Variants in AGMO observed in about 807,000 individuals in gnomAD.
AGMO encodes the protein alkylglycerol monooxygenase, also known as glyceryl-ether monooxygenase.
A neutral mutation model predicts 60.2 loss-of-function variants in AGMO; 75 were observed. That is an observed-to-expected ratio of 1.25 (90% CI 1.03 to 1.51). The LOEUF (loss-of-function observed/expected upper bound fraction) is 1.51, where lower values mean the gene tolerates loss of function less well. AGMO is among the 40% of genes most tolerant of loss of function. The probability of loss-of-function intolerance (pLI) is 0.00; values close to 1 mark genes in which losing one functional copy is unlikely to be tolerated. For missense variants in AGMO, 763 were observed against 525.5 expected, an observed-to-expected ratio of 1.45 and a Z score of -4.42; for synonymous variants, 261 against 177.1, an observed-to-expected ratio of 1.47 and a Z score of -3.76.
In AGMO at chr7:15,397,572, A is replaced by T. The variant is rs549431020; in HGVS notation, c.610-3393T>A. Among the ~76,000 whole-genome samples the T allele has an allele frequency of 4.6e-5, 7 of 152,256 alleles. No individual in the cohort carries two copies. In the East Asian group the frequency reaches 9.7e-4, roughly 21 times the overall value. Reference sequence around the variant, plus strand: ...GTTGTTACCTCTCACTACCTACCTTACTTTCCTCCTTCCTTCTTTCTTCAT... The same window carrying T: ...GTTGTTACCTCTCACTACCTACCTTTCTTTCCTCCTTCCTTCTTTCTTCAT... On this transcript the variant is annotated intron_variant, in intron 5 of 12. Coordinates refer to ENST00000342526, the MANE Select transcript of AGMO (RefSeq NM_001004320.2).
chr7:15,453,017 G>A (rs1447597685), intron 3 of AGMO, among the ~76,000 whole-genome samples: 1 of 152,074 alleles, frequency 6.6e-6, no homozygotes, highest in Non-Finnish European at 1.5e-5. Flanking sequence ...ATTCAAAATA[G>A]GCAACTCCAC....
At position 15,201,280 on chromosome 7, in the gene AGMO, T is replaced by A. The variant is rs781143020; in HGVS notation, c.*5A>T. 8 of 1,601,606 alleles carry A rather than the reference T, an allele frequency of 5.0e-6. No individual in the cohort carries two copies. The highest frequency in any genetic ancestry group is 4.5e-5 in the East Asian group (2 of 44,642). On this transcript the variant is annotated 3_prime_UTR_variant, in exon 13 of 13. Transcript: ENST00000342526. ...TAAAAGAAGAGAATTATGTACAAAT[T>A]CAGGTTATTTCCAAGGGTGAGAGGT...
chr7:15,270,783 T>A (rs1783583225), intron 12 of AGMO, among the ~76,000 whole-genome samples: 1 of 150,608 alleles, frequency 6.6e-6, no homozygotes, highest in Non-Finnish European at 1.5e-5. Flanking sequence ...AGGATTTTTA[T>A]AATTTCAAAT....
intron 3 of AGMO, among the ~76,000 whole-genome samples, chr7:15,498,546 A>G (rs1783295878): frequency 1.3e-5 from 2 of 152,112 alleles, no homozygotes; most frequent in South Asian, 4.1e-4. Flanking sequence ...GTTACAAATC[A>G]TGTTTGTATA....
the AGMO span, among the ~76,000 whole-genome samples, chr7:15,127,913 G>A: frequency 3.8e-4 from 57 of 151,896 alleles, no homozygotes; most frequent in Admixed American, 1.8e-3. Context: ...AGGAATTTAC[G>A]GTGTTTTCTT....
intron 3 of AGMO, among the ~76,000 whole-genome samples, chr7:15,461,049 C>T (rs73290404): frequency 1.3e-5 from 2 of 151,884 alleles, no homozygotes; most frequent in Non-Finnish European, 2.9e-5. Context: ...GATGTATTTC[C>T]TGCTCTAATA....
rs559393691 is a variant in AGMO at position 15,494,006 on chromosome 7, G to C, written c.409+50766C>G. ...TTTCCTTTGGGTTACAAACAATCCA[G>C]TTATACTCTATTAGTTCTTTTTAAA... On this transcript the variant is annotated intron_variant, in intron 3 of 12. Transcript: ENST00000342526. 6.4e-4 allele frequency among the ~76,000 whole-genome samples: 97 copies of C among 152,248 alleles called. 3 individuals carry two copies. The highest frequency in any genetic ancestry group is 6.3e-3 in the Admixed American group (96 of 15,294).
At chr7:15,391,229 T>A (rs1013412140) in intron 6 of AGMO, among the ~76,000 whole-genome samples, 1 of 152,056 alleles carries the variant, frequency 6.6e-6, no homozygotes, top group Admixed American at 6.5e-5. Flanking sequence ...AATTAAATGA[T>A]ACCAAAAATT....
At chr7:15,236,877 T>C (rs373968459) in intron 12 of AGMO, among the ~76,000 whole-genome samples, 6 of 152,002 alleles carry the variant, frequency 3.9e-5, no homozygotes, top group African/African-American at 1.4e-4. Context: ...ACCTCTGACC[T>C]AAAACCTGAT....
At chr7:15,248,225 T>TATATATATATATATATATATATA (rs1782823894) in intron 12 of AGMO, among the ~76,000 whole-genome samples, 1 of 115,072 alleles carries the variant, frequency 8.7e-6, no homozygotes, top group Non-Finnish European at 1.8e-5. Context: ...TATATATATA[T>TATATATATATATATATATATATA]CTTCATCTTC....
chr7:15,477,353 A>G (rs1782623538), intron 3 of AGMO, among the ~76,000 whole-genome samples: 1 of 152,116 alleles, frequency 6.6e-6, no homozygotes, highest in East Asian at 1.9e-4. Flanking sequence ...ACAGTAACAA[A>G]TGCTTTCATC....
intron 5 of AGMO, among the ~76,000 whole-genome samples, chr7:15,411,274 T>A (rs980951551): frequency 4.6e-5 from 7 of 151,986 alleles, no homozygotes; most frequent in African/African-American, 1.7e-4. Context: ...ATTTATAAAT[T>A]ACCCAGTCTG....
chr7:15,268,685 A>G (rs1259945427), intron 12 of AGMO, among the ~76,000 whole-genome samples: 2 of 151,520 alleles, frequency 1.3e-5, no homozygotes, highest in Non-Finnish European at 2.9e-5. Context: ...ATAGTCAAAT[A>G]AAGTTGTTCT....
At chr7:15,406,469 A>T (rs1257246377) in intron 5 of AGMO, among the ~76,000 whole-genome samples, 38 of 128,796 alleles carry the variant, frequency 3.0e-4, no homozygotes, top group Non-Finnish European at 4.6e-4. Flanking sequence ...ACGTATACAC[A>T]TATATGTATA....
intron 3 of AGMO, among the ~76,000 whole-genome samples, chr7:15,505,794 A>G (rs1393926023): frequency 2.0e-5 from 3 of 152,078 alleles, no homozygotes; most frequent in African/African-American, 7.2e-5. Flanking sequence ...TATTAATAAC[A>G]GAGTCTAAGA....
At chr7:15,273,379 T>C (rs191571378) in intron 12 of AGMO, among the ~76,000 whole-genome samples, 24 of 152,330 alleles carry the variant, frequency 1.6e-4, no homozygotes, top group Non-Finnish European at 2.8e-4. Flanking sequence ...ATTTATTAAA[T>C]AGAGAATCCT....
At chr7:15,555,292 T>TATAC (rs1213509604) in intron 2 of AGMO, among the ~76,000 whole-genome samples, 447 of 95,836 alleles carry the variant, frequency 4.7e-3, no homozygotes, top group South Asian at 8.4e-3. Context: ...TATATATATA[T>TATAC]ACACACACAC....
At chr7:15,437,296 T>C (rs1300865001) in intron 3 of AGMO, among the ~76,000 whole-genome samples, 1 of 152,194 alleles carries the variant, frequency 6.6e-6, no homozygotes, top group Non-Finnish European at 1.5e-5. Context: ...TAAATGGCAT[T>C]ACCAATTCAT....
intron 12 of AGMO, among the ~76,000 whole-genome samples, chr7:15,318,185 T>C (rs1304494062): frequency 1.3e-5 from 2 of 151,782 alleles, no homozygotes; most frequent in Non-Finnish European, 2.9e-5. Context: ...TTTGTATTTT[T>C]AGTAGAGACG....
Sources: gnomAD v4.1 joint callset for allele counts (sites outside exome capture counted in the v4.1 genomes callset) on GRCh38, gnomAD v4.1.1 for gene constraint, MANE v1.5 for transcripts, NCBI Gene and HGNC (gene_info 2026-07-23, HGNC 2026-07-21) for gene names.